Variants in AFDN observed in about 807,000 individuals in gnomAD.
AFDN encodes afadin, adherens junction formation factor, also known as afadin.
AFDN carries 68 observed loss-of-function variants against 216.6 expected under a neutral mutation model. The ratio of observed to expected loss-of-function variants is 0.31; its 90% CI spans 0.26 to 0.38. The LOEUF (loss-of-function observed/expected upper bound fraction) is 0.38. Among genes scored for constraint, AFDN ranks in the 10% least tolerant of loss-of-function variants. The pLI is 1.00. For synonymous variants in AFDN, 868 were observed against 853.7 expected (o/e 1.02, Z -0.29); for missense variants, 2,136 against 2,342.0 (o/e 0.91, Z 1.82).
At chr6:167,942,817 T>G (rs1157858314) in intron 23 of AFDN, among the ~76,000 whole-genome samples, 1 of 152,340 alleles carries the variant, frequency 6.6e-6, no homozygotes, top group African/African-American at 2.4e-5. Context: ...TGTACTAGGT[T>G]GCTTTTTGTA....
rs371549870 is a variant in AFDN at position 167,922,901 on chromosome 6, C to T, written c.2954C>T (p.Thr985Ile). The T allele has an allele frequency of 5.6e-6, 9 of 1,613,130 alleles. No homozygotes were observed. The highest frequency in any genetic ancestry group is 1.3e-5 in the African/African-American group (1 of 74,854). The stretch of plus-strand genomic sequence containing the variant: ...CACACACGTTCACCAGGTACTTGGA[C>T]AATATATTTTGAAGGTGCAGATTAT... ...IPHTRSPGTW[T>I]IYFEGADYES... The change falls in exon 22 of 34, where the codon ACA (threonine) becomes ATA (isoleucine). Residue 985 changes from threonine (T) to isoleucine (I), a missense_variant. Physicochemically the swap from Thr to Ile is moderately conservative, Grantham distance 89 (BLOSUM62 -1). Around this residue, in one of 8 missense-constraint regions of AFDN, gnomAD observed 162 missense variants for 182.6 expected, o/e 0.89. Transcript: ENST00000683244.
intron 23 of AFDN, among the ~76,000 whole-genome samples, chr6:167,937,922 C>T (rs4708611): frequency 0.47 from 70,956 of 152,020 alleles, 17,113 homozygotes; most frequent in East Asian, 0.8. Flanking sequence ...AATTCCTTAT[C>T]GATCAATGTT....
intron 1 of AFDN, among the ~76,000 whole-genome samples, chr6:167,834,921 G>A (rs138233098): frequency 0.02 from 3,017 of 152,286 alleles, 56 homozygotes; most frequent in Non-Finnish European, 0.033. Context: ...GGTCAAGGCT[G>A]CAGTGACCTA....
At chr6:167,950,950 G>A (rs1374434332) in intron 29 of AFDN, among the ~76,000 whole-genome samples, 1 of 150,122 alleles carries the variant, frequency 6.7e-6, no homozygotes, top group Non-Finnish European at 1.5e-5. Context: ...ACCCACCTCA[G>A]CCTCCCAAAG....
intron 13 of AFDN, among the ~76,000 whole-genome samples, chr6:167,910,012 A>G (rs1209636716): frequency 1.3e-5 from 2 of 152,250 alleles, no homozygotes; most frequent in African/African-American, 4.8e-5. Context: ...TAGCGAACTT[A>G]GAGTAATAAG....
intron 5 of AFDN, among the ~76,000 whole-genome samples, chr6:167,879,480 A>T (rs763187509): frequency 1.3e-5 from 2 of 152,190 alleles, no homozygotes; most frequent in Non-Finnish European, 2.9e-5. Flanking sequence ...AAGAAGCCAG[A>T]GTGCATACCT....
At chr6:167,924,244 ATTAC>A (rs781020616) in intron 22 of AFDN, among the ~76,000 whole-genome samples, 5 of 152,156 alleles carry the variant, frequency 3.3e-5, no homozygotes, top group Non-Finnish European at 7.3e-5. Context: ...TATATATTTA[ATTAC>A]TTAAGTTCCT....
intron 30 of AFDN, among the ~76,000 whole-genome samples, chr6:167,953,869 T>G (rs1480253993): frequency 6.6e-6 from 1 of 152,208 alleles, no homozygotes; most frequent in African/African-American, 2.4e-5. Flanking sequence ...AAAAGATGTC[T>G]TTTCCTTCGC....
chr6:167,859,675 TTTA>T (rs1025960749), intron 1 of AFDN, among the ~76,000 whole-genome samples: 1 of 152,210 alleles, frequency 6.6e-6, no homozygotes, highest in Non-Finnish European at 1.5e-5. Context: ...GATTGTTAGT[TTTA>T]TTAATGAAAT....
At chr6:167,842,017 A>G (rs1781128995) in intron 1 of AFDN, among the ~76,000 whole-genome samples, 1 of 152,060 alleles carries the variant, frequency 6.6e-6, no homozygotes, top group Admixed American at 6.6e-5. Context: ...AAACTTTGCT[A>G]AAGTTTTGTA....
In AFDN at chr6:167,838,372, G is replaced by A. The variant is rs377006700; in HGVS notation, c.105+11135G>A. Among the ~76,000 whole-genome samples the A allele has an allele frequency of 6.4e-4, 97 of 152,196 alleles. No individual in the cohort carries two copies. In the Middle Eastern group the frequency reaches 0.01, roughly 16 times the overall value. ...TCTTACTGGGCTTCCTCTTGGTGCT[G>A]CCTTGCCTGACTCTGCTCTGGATGT... On this transcript the variant is annotated intron_variant, in intron 1 of 33. Transcript: ENST00000683244.
intron 23 of AFDN, among the ~76,000 whole-genome samples, chr6:167,929,348 A>T (rs1027388468): frequency 2.6e-5 from 4 of 152,194 alleles, no homozygotes; most frequent in African/African-American, 9.7e-5. Flanking sequence ...ATATTAATAG[A>T]ATTGGGGCTT....
chr6:167,912,413 T>C (rs1010903679), intron 15 of AFDN, among the ~76,000 whole-genome samples: 1 of 152,206 alleles, frequency 6.6e-6, no homozygotes, highest in Admixed American at 6.5e-5. Context: ...TGAGGGAAAC[T>C]AAGATCTTTT....
At chr6:167,935,779 CTTTT>C (rs1175718034) in intron 23 of AFDN, among the ~76,000 whole-genome samples, 11 of 148,262 alleles carry the variant, frequency 7.4e-5, no homozygotes, top group African/African-American at 2.7e-4. Flanking sequence ...TTTTGCTTTT[CTTTT>C]TTTTTTCTTT....
At chr6:167,840,008 G>A (rs1423407540) in intron 1 of AFDN, among the ~76,000 whole-genome samples, 1 of 152,124 alleles carries the variant, frequency 6.6e-6, no homozygotes, top group Non-Finnish European at 1.5e-5. Flanking sequence ...CTGCAGCTGC[G>A]GCAGAATCTC....
rs552029262 is a variant in AFDN, at chr6:167,966,000, G to T, written c.5212G>T (p.Val1738Phe). Residue 1738 changes from valine to phenylalanine, a missense_variant, in exon 32 of 34, where the codon GTT (valine) becomes TTT (phenylalanine). Transcript: ENST00000683244. Reference sequence around the variant, plus strand: ...CGACTCGCTGTTCACTGCCAAGTTTGTTGCATACAATGAGGAGGAGGAGGA... The same window carrying T: ...CGACTCGCTGTTCACTGCCAAGTTTTTTGCATACAATGAGGAGGAGGAGGA... The part of the protein sequence containing the change: ...SPDSLFTAKF[V>F]AYNEEEEEED... 2.6e-5 allele frequency: 40 copies of T among 1,549,788 alleles called. No homozygotes were observed. The East Asian group carries it at 7.3e-4, about 28-fold the overall frequency.
intron 13 of AFDN, among the ~76,000 whole-genome samples, chr6:167,909,155 T>C (rs2128445087): frequency 6.6e-6 from 1 of 152,296 alleles, no homozygotes; most frequent in South Asian, 2.1e-4. Context: ...GTTAAAATAA[T>C]TGATCATTTA....
At chr6:167,866,923 C>A (rs931800513) in intron 2 of AFDN, among the ~76,000 whole-genome samples, 3 of 152,192 alleles carry the variant, frequency 2.0e-5, no homozygotes, top group Non-Finnish European at 2.9e-5. Flanking sequence ...AGCCCCAGCC[C>A]CAAACCTTCA....
In AFDN at chr6:167,890,976, A is replaced by G. The variant is rs745806305; in HGVS notation, c.1124A>G (p.Tyr375Cys). 11 of 1,614,064 alleles carry G rather than the reference A, an allele frequency of 6.8e-6. No individual in the cohort carries two copies. Among genetic ancestry groups the G allele is most frequent in the African/African-American group, 2.7e-5 (2 of 75,030 alleles). ...AAGGAGAGAGCTGACGGGTCTGGCT[A>G]TGGCTCCACCCTTCCTCCGGAGAAG... ...KGKERADGSG[Y>C]GSTLPPEKLP... The change falls in exon 8 of 34, where the codon TAT becomes TGT. Residue 375 changes from tyrosine (Y) to cysteine (C), a missense_variant. Tyr to Cys is a radical substitution (Grantham distance 194, BLOSUM62 -2). Coordinates refer to ENST00000683244, the MANE Select transcript of AFDN (RefSeq NM_001386888.1).
Sources: gnomAD v4.1 joint callset for allele counts (sites outside exome capture counted in the v4.1 genomes callset) on GRCh38, gnomAD v4.1.1 for gene constraint, gnomAD v4.1.1 regional missense constraint, MANE v1.5 for transcripts, NCBI Gene and HGNC (gene_info 2026-07-23, HGNC 2026-07-21) for gene names.